The following SNX4 variants were observed in gnomAD, a reference collection of about 807,000 sequenced individuals.
SNX4 encodes sorting nexin-4.
Under a neutral mutation model 70.8 loss-of-function variants are expected in SNX4, and 49 were observed. The ratio of observed to expected loss-of-function variants is 0.69; its 90% CI spans 0.55 to 0.88. SNX4 has a LOEUF of 0.88. Among genes scored for constraint, SNX4 ranks in the 40% least tolerant of loss-of-function variants. SNX4 has a pLI of 0.00. For missense variants in SNX4, 528 were observed against 544.8 expected (o/e 0.97, Z 0.31); for synonymous variants, 206 against 183.8 (o/e 1.12, Z -0.98).
At chr3:125,500,778 C>G in intron 2 of SNX4, among the ~76,000 whole-genome samples, 1 of 110,074 alleles carries the variant, frequency 9.1e-6, no homozygotes, top group Admixed American at 1.4e-4. Flanking sequence ...CCAGCCTGGG[C>G]GACAGAGCAA....
At chr3:125,490,733 A>G (rs1934639959) in intron 5 of SNX4, among the ~76,000 whole-genome samples, 1 of 151,854 alleles carries the variant, frequency 6.6e-6, no homozygotes, top group African/African-American at 2.4e-5. Context: ...ACTGCATAAA[A>G]TGTATACGTA....
Position 125,480,143 on chromosome 3 carries a change from T to A in SNX4, c.726+104A>T, listed in dbSNP as rs73859197. ...GAACATATAAATTCAAATGCAAAAA[T>A]CAGTTATTCATGGTAAATACCACCT... On this transcript the variant is annotated intron_variant, in intron 7 of 13. Coordinates refer to ENST00000251775, the MANE Select transcript of SNX4 (RefSeq NM_003794.4). The A allele has an allele frequency of 6.6e-3, 3,956 of 600,922 alleles. 65 individuals carry two copies. Among genetic ancestry groups the A allele is most frequent in the African/African-American group, 0.039 (2,066 of 52,794 alleles). 37.2% of individuals were successfully genotyped at this position (600,922 alleles called of 1,614,324 possible).
intron 8 of SNX4, among the ~76,000 whole-genome samples, chr3:125,470,959 A>T (rs894300017): frequency 7.2e-5 from 11 of 152,212 alleles, no homozygotes; most frequent in Non-Finnish European, 1.2e-4. Flanking sequence ...AGCTGATCAG[A>T]GACAGAGCTG....
At chr3:125,495,298 G>A (rs1435395286) in intron 5 of SNX4, among the ~76,000 whole-genome samples, 11 of 42,436 alleles carry the variant, frequency 2.6e-4, no homozygotes, top group South Asian at 9.2e-4. Context: ...ACACACACAC[G>A]TATGTTATTT....
In SNX4 at chr3:125,460,143, G is replaced by A. The variant is rs565553531; in HGVS notation, c.944+628C>T. On this transcript the variant is annotated intron_variant, in intron 10 of 13. Coordinates refer to ENST00000251775, the MANE Select transcript of SNX4 (RefSeq NM_003794.4). ...CGGGACGTGGAGGTTGCAGTGAGCC[G>A]AGATCACGCCACTGCACTCCAGCCT... Among the ~76,000 whole-genome samples the A allele has an allele frequency of 3.4e-5, 5 of 147,134 alleles. No individual in the cohort carries two copies. In the South Asian group the frequency reaches 8.6e-4, roughly 25 times the overall value.
chr3:125,498,991 G>A (rs1305914634), intron 2 of SNX4, among the ~76,000 whole-genome samples: 1 of 152,108 alleles, frequency 6.6e-6, no homozygotes, highest in Non-Finnish European at 1.5e-5. Flanking sequence ...ATTAATCCAA[G>A]TACCAAGAAA....
At chr3:125,474,321 T>C (rs1934245252) in intron 8 of SNX4, among the ~76,000 whole-genome samples, 1 of 149,930 alleles carries the variant, frequency 6.7e-6, no homozygotes, top group South Asian at 2.1e-4. Flanking sequence ...TCTATTTTTG[T>C]TTTTATTTTT....
intron 13 of SNX4, among the ~76,000 whole-genome samples, chr3:125,449,451 AG>A (rs1214046249): frequency 6.6e-6 from 1 of 151,822 alleles, no homozygotes; most frequent in African/African-American, 2.4e-5. Context: ...GAAAGAAAGA[AG>A]GTCTCACTAT....
At chr3:125,507,417 C>T (rs1000882752) in intron 1 of SNX4, among the ~76,000 whole-genome samples, 6 of 151,884 alleles carry the variant, frequency 4.0e-5, no homozygotes, top group Non-Finnish European at 7.4e-5. Context: ...CACCATCAAA[C>T]GGACCAACAT....
rs766337765 is a variant in SNX4 at position 125,460,854 on chromosome 3, T to C, written c.861A>G (p.Ala287=). Residue 287 remains alanine, a synonymous_variant, in exon 10 of 14, where the codon GCA becomes GCG. Transcript: ENST00000251775. ...CTTCCAAAATATCATCAATAGAAGA[T>C]GCATACCTGTTTTAAAAAAAAAAAC... ...QSAGHHMDVY[A]SSIDDILEDE... 11 of 1,460,054 alleles carry C rather than the reference T, an allele frequency of 7.5e-6. No individual in the cohort carries two copies. The highest frequency in any genetic ancestry group is 1.3e-5 in the South Asian group (1 of 77,910). 90.4% of individuals were successfully genotyped at this position (1,460,054 alleles called of 1,614,324 possible).
Position 125,480,298 on chromosome 3 carries a change from G to A in SNX4, c.675C>T (p.His225=), listed in dbSNP as rs1391096459. Residue 225 remains histidine, a synonymous_variant, in exon 7 of 14, where the codon CAC becomes CAT. Transcript: ENST00000251775. ...TGACAGACTGCAGTTCATCACTATA[G>A]TGCTTAAGGTCAGTAAATCTCCTGA... ...NPDKRFTDLK[H]YSDELQSVIS... The A allele has an allele frequency of 6.5e-7, 1 of 1,545,882 alleles. No individual in the cohort carries two copies. The highest frequency in any genetic ancestry group is 8.8e-7 in the Non-Finnish European group (1 of 1,141,180).
At chr3:125,509,991 C>T (rs898011662) in intron 1 of SNX4, among the ~76,000 whole-genome samples, 2 of 152,082 alleles carry the variant, frequency 1.3e-5, no homozygotes, top group Non-Finnish European at 2.9e-5. Context: ...AATTGGAACC[C>T]TCGTGCCCTA....
chr3:125,513,181 G>T (rs182940726), intron 1 of SNX4, among the ~76,000 whole-genome samples: 1 of 152,256 alleles, frequency 6.6e-6, no homozygotes, highest in Admixed American at 6.5e-5. Flanking sequence ...TGGGGTTAGT[G>T]CCCTGATAAA....
At chr3:125,464,564 C>CTTTTTTTT (rs778518316) in intron 9 of SNX4, among the ~76,000 whole-genome samples, 5 of 67,056 alleles carry the variant, frequency 7.5e-5, no homozygotes, top group Non-Finnish European at 1.1e-4. Context: ...ATTTATCTTT[C>CTTTTTTTT]TTTTTTTTTT....
At chr3:125,496,427 C>T (rs1934795266) in intron 5 of SNX4, among the ~76,000 whole-genome samples, 1 of 152,026 alleles carries the variant, frequency 6.6e-6, no homozygotes, top group Non-Finnish European at 1.5e-5. Context: ...TATCTATGGG[C>T]CAATGCATGG....
chr3:125,470,973 C>T (rs906979581), intron 8 of SNX4, among the ~76,000 whole-genome samples: 1 of 152,144 alleles, frequency 6.6e-6, no homozygotes, highest in African/African-American at 2.4e-5. Context: ...AGAGCTGAGC[C>T]TAGAACCAAC....
intron 5 of SNX4, among the ~76,000 whole-genome samples, chr3:125,491,274 A>C (rs1056810191): frequency 4.6e-5 from 7 of 152,206 alleles, no homozygotes; most frequent in African/African-American, 1.7e-4. Flanking sequence ...TAAGGTATAC[A>C]TTAAAAATCA....
chr3:125,471,301 G>A (rs113564849), intron 8 of SNX4, among the ~76,000 whole-genome samples: 3 of 120,546 alleles, frequency 2.5e-5, no homozygotes, highest in South Asian at 2.7e-4. Flanking sequence ...CCGAGGTCGC[G>A]CCATTGCACT....
At chr3:125,462,804 T>C (rs1244987951) in intron 9 of SNX4, among the ~76,000 whole-genome samples, 2 of 151,938 alleles carry the variant, frequency 1.3e-5, no homozygotes, top group Non-Finnish European at 1.5e-5. Context: ...AGCCCCAAAA[T>C]TGGAGGTTAG....
Sources: gnomAD v4.1 joint callset for allele counts (sites outside exome capture counted in the v4.1 genomes callset) on GRCh38, gnomAD v4.1.1 for gene constraint, MANE v1.5 for transcripts, NCBI Gene and HGNC (gene_info 2026-07-23, HGNC 2026-07-21) for gene names.